TRPS1: variants seen among roughly 807,000 people sequenced by gnomAD.
TRPS1 encodes transcriptional repressor GATA binding 1.
A neutral mutation model predicts 101.2 loss-of-function variants in TRPS1; 6 were observed. The observed-to-expected ratio is 0.06, with a 90% CI of 0.03 to 0.12. The LOEUF is 0.12. TRPS1 is among the 10% of genes least tolerant of loss of function. The pLI is 1.00. For synonymous variants in TRPS1, 578 were observed against 589.8 expected (o/e 0.98, Z 0.29); for missense variants, 1,363 against 1,567.0 (o/e 0.87, Z 2.20).
rs186252054 is a variant in TRPS1, at chr8:115,558,565, A to C, written c.2700+28436T>G. On this transcript the variant is annotated intron_variant, in intron 5 of 6. Transcript: ENST00000395715. Reference sequence around the variant, plus strand: ...CTGCAAAGCATTTTAGCAATTAAGTATGAAAAACACTTACTCCTGGAAGCA... The same window carrying C: ...CTGCAAAGCATTTTAGCAATTAAGTCTGAAAAACACTTACTCCTGGAAGCA... Among the ~76,000 whole-genome samples, 12 of 152,330 alleles carry C rather than the reference A, an allele frequency of 7.9e-5. No individual in the cohort carries two copies. The East Asian group carries it at 2.3e-3, about 29-fold the overall frequency.
chr8:115,601,683 T>C (rs553881647), intron 4 of TRPS1, among the ~76,000 whole-genome samples: 3 of 152,304 alleles, frequency 2.0e-5, no homozygotes, highest in South Asian at 4.1e-4. Context: ...AAGGTCAAAA[T>C]GAACAGACAA....
At chr8:115,546,412 C>A (rs1473266653) in intron 5 of TRPS1, among the ~76,000 whole-genome samples, 1 of 151,944 alleles carries the variant, frequency 6.6e-6, no homozygotes, top group Non-Finnish European at 1.5e-5. Flanking sequence ...ACCTGGGATA[C>A]TATTTGTTTT....
At chr8:115,509,600 CAGAAA>C (rs1232017373) in intron 5 of TRPS1, 4 of 151,960 alleles carry the variant, frequency 2.6e-5, no homozygotes, top group African/African-American at 7.2e-5. Context: ...TATCATTTTA[CAGAAA>C]AGAAAAGTAA....
intron 5 of TRPS1, among the ~76,000 whole-genome samples, chr8:115,516,170 T>A (rs911872441): frequency 3.5e-5 from 3 of 84,600 alleles, no homozygotes; most frequent in African/African-American, 1.4e-4. Flanking sequence ...GACCAATTTT[T>A]AAGAAAATTA....
At chr8:115,634,887 A>C (rs1220852343) in intron 1 of TRPS1, among the ~76,000 whole-genome samples, 4 of 151,910 alleles carry the variant, frequency 2.6e-5, no homozygotes, top group Non-Finnish European at 4.4e-5. Context: ...AAAGATAAAA[A>C]GAAGAAAGAA....
chr8:115,637,409 G>A, intron 1 of TRPS1: 1 of 648,952 alleles, frequency 1.5e-6, no homozygotes. Context: ...AGAAAATGAA[G>A]AAAAGTGATG....
At chr8:115,575,116 A>G (rs1031405484) in intron 5 of TRPS1, among the ~76,000 whole-genome samples, 1 of 152,132 alleles carries the variant, frequency 6.6e-6, no homozygotes, top group Non-Finnish European at 1.5e-5. Flanking sequence ...CCAATTCTCA[A>G]AATTTAAAAT....
At chr8:115,431,325 C>T (rs1813313567) in intron 5 of TRPS1, among the ~76,000 whole-genome samples, 1 of 151,976 alleles carries the variant, frequency 6.6e-6, no homozygotes, top group African/African-American at 2.4e-5. Flanking sequence ...TGTGCATATG[C>T]ACAAAACTTA....
intron 1 of TRPS1, among the ~76,000 whole-genome samples, chr8:115,652,855 A>G (rs1811592996): frequency 6.6e-6 from 1 of 152,252 alleles, no homozygotes; most frequent in African/African-American, 2.4e-5. Flanking sequence ...ATGTCTGAAA[A>G]GGAGTTTTCC....
At chr8:115,533,449 T>TTTTTTTTG (rs1816197234) in intron 5 of TRPS1, among the ~76,000 whole-genome samples, 1 of 123,322 alleles carries the variant, frequency 8.1e-6, no homozygotes, top group African/African-American at 4.1e-5. Context: ...TTTTTTTTTT[T>TTTTTTTTG]TTTTTTTTTT....
intron 4 of TRPS1, among the ~76,000 whole-genome samples, chr8:115,593,800 T>A (rs1817730046): frequency 6.6e-6 from 1 of 152,178 alleles, no homozygotes; most frequent in African/African-American, 2.4e-5. Context: ...CCATAAAGAC[T>A]TCCCAAATGA....
intron 5 of TRPS1, among the ~76,000 whole-genome samples, chr8:115,468,644 C>A (rs1259826317): frequency 3.3e-5 from 5 of 152,138 alleles, no homozygotes; most frequent in Admixed American, 6.5e-5. Context: ...GACACACACA[C>A]AAAAAACCTG....
At chr8:115,450,510 C>T (rs1287741943) in intron 5 of TRPS1, among the ~76,000 whole-genome samples, 1 of 148,200 alleles carries the variant, frequency 6.7e-6, no homozygotes, top group Non-Finnish European at 1.5e-5. Flanking sequence ...AGCTAATGCG[C>T]TGACTCTTTT....
intron 1 of TRPS1, among the ~76,000 whole-genome samples, chr8:115,649,137 G>A (rs1387247652): frequency 6.6e-6 from 1 of 152,124 alleles, no homozygotes; most frequent in Non-Finnish European, 1.5e-5. Flanking sequence ...AAGAATACCG[G>A]TTGTATGTTT....
At chr8:115,460,417 C>T (rs1409780350) in intron 5 of TRPS1, among the ~76,000 whole-genome samples, 1 of 151,994 alleles carries the variant, frequency 6.6e-6, no homozygotes, top group African/African-American at 2.4e-5. Context: ...CATCAAGTTT[C>T]TCTGGAGTTA....
chr8:115,458,122 T>C (rs1448142899), intron 5 of TRPS1, among the ~76,000 whole-genome samples: 1 of 152,122 alleles, frequency 6.6e-6, no homozygotes, highest in Admixed American at 6.5e-5. Context: ...TTCCAATGAC[T>C]GCATGTGAGG....
chr8:115,640,005 G>T (rs1430350045), intron 1 of TRPS1, among the ~76,000 whole-genome samples: 1 of 152,122 alleles, frequency 6.6e-6, no homozygotes, highest in Non-Finnish European at 1.5e-5. Context: ...ATTATTGACA[G>T]TATAGTAAAT....
chr8:115,603,470 T>C (rs924709601), intron 4 of TRPS1, among the ~76,000 whole-genome samples: 2 of 152,158 alleles, frequency 1.3e-5, no homozygotes, highest in African/African-American at 4.8e-5. Flanking sequence ...GAATAGAGAA[T>C]AGGATATATT....
chr8:115,574,481 T>A (rs924193790), intron 5 of TRPS1, among the ~76,000 whole-genome samples: 1 of 152,166 alleles, frequency 6.6e-6, no homozygotes, highest in African/African-American at 2.4e-5. Flanking sequence ...TAGAGAAGTC[T>A]AATGCTTGGA....
Sources: gnomAD v4.1 joint callset for allele counts (sites outside exome capture counted in the v4.1 genomes callset) on GRCh38, gnomAD v4.1.1 for gene constraint, MANE v1.5 for transcripts, NCBI Gene and HGNC (gene_info 2026-07-23, HGNC 2026-07-21) for gene names.